Variants in RALGPS2 observed in about 807,000 individuals in gnomAD.
RALGPS2 encodes the protein Ral GEF with PH domain and SH3 binding motif 2.
A neutral mutation model predicts 86.8 loss-of-function variants in RALGPS2; 43 were observed. That is an observed-to-expected ratio of 0.50 (90% CI 0.39 to 0.64). The LOEUF (loss-of-function observed/expected upper bound fraction) is 0.64, where lower values mean the gene tolerates loss of function less well. Among genes scored for constraint, RALGPS2 ranks in the 30% least tolerant of loss-of-function variants. The pLI, the probability that RALGPS2 is intolerant of heterozygous loss-of-function variation, is 0.00. For synonymous variants in RALGPS2, 243 were observed against 231.3 expected, an observed-to-expected ratio of 1.05 and a Z score of -0.46; for missense variants, 536 against 694.6, an observed-to-expected ratio of 0.77 and a Z score of 2.57.
At chr1:178,882,619 A>G (rs1659307440) in intron 10 of RALGPS2, among the ~76,000 whole-genome samples, 1 of 152,230 alleles carries the variant, frequency 6.6e-6, no homozygotes, top group African/African-American at 2.4e-5. Context: ...TTTTTATTAA[A>G]TTTCAGACAG....
chr1:178,729,472 C>T (rs982249127), intron 1 of RALGPS2, among the ~76,000 whole-genome samples: 1 of 151,964 alleles, frequency 6.6e-6, no homozygotes, highest in Non-Finnish European at 1.5e-5. Context: ...TCAAAGGACC[C>T]CTGGTTTTGT....
At chr1:178,746,687 G>T (rs1651348408) in intron 1 of RALGPS2, 1 of 773,434 alleles carries the variant, frequency 1.3e-6, no homozygotes, top group East Asian at 2.4e-5. Context: ...TGAATATTAG[G>T]TATCTGTCAA....
intron 1 of RALGPS2, among the ~76,000 whole-genome samples, chr1:178,743,644 A>G (rs1651153306): frequency 6.6e-6 from 1 of 152,200 alleles, no homozygotes. Flanking sequence ...GTGCTGATTG[A>G]GATCAGGAAA....
intron 14 of RALGPS2, among the ~76,000 whole-genome samples, chr1:178,890,443 A>G (rs1659671643): frequency 6.6e-6 from 1 of 151,946 alleles, no homozygotes; most frequent in Non-Finnish European, 1.5e-5. Context: ...CCTTTTTTGT[A>G]TATGAACTAA....
chr1:178,753,065 C>T (rs879612957), intron 1 of RALGPS2, among the ~76,000 whole-genome samples: 7 of 152,178 alleles, frequency 4.6e-5, no homozygotes, highest in Admixed American at 3.9e-4. Context: ...TACATTTGCC[C>T]TCTGTACTGT....
chr1:178,790,267 A>G (rs913611840), intron 4 of RALGPS2, among the ~76,000 whole-genome samples: 2 of 152,162 alleles, frequency 1.3e-5, no homozygotes, highest in Non-Finnish European at 1.5e-5. Flanking sequence ...TTCTTAATGT[A>G]TTAGTCTCGT....
chr1:178,896,618 G>C (rs1468267389), intron 16 of RALGPS2, among the ~76,000 whole-genome samples: 10 of 116,228 alleles, frequency 8.6e-5, no homozygotes, highest in Admixed American at 1.8e-4. Flanking sequence ...TCCCTCCCCC[G>C]ACCCCACAAC....
intron 3 of RALGPS2, 82 bp downstream of exon 3, chr1:178,784,604 C>A: frequency 9.8e-7 from 1 of 1,025,636 alleles, no homozygotes; most frequent in Non-Finnish European, 1.4e-6. Flanking sequence ...GTAGGTCCAG[C>A]AAAAGAGACA....
intron 16 of RALGPS2, among the ~76,000 whole-genome samples, chr1:178,895,499 A>G (rs566012783): frequency 6.6e-6 from 1 of 152,208 alleles, no homozygotes; most frequent in African/African-American, 2.4e-5. Flanking sequence ...ATACAGAATG[A>G]TGGGGCAAGG....
At chr1:178,824,171 G>A (rs1012219206) in intron 7 of RALGPS2, among the ~76,000 whole-genome samples, 3 of 152,160 alleles carry the variant, frequency 2.0e-5, no homozygotes, top group African/African-American at 7.2e-5. Flanking sequence ...CTCGGGAAGA[G>A]TGATTTCAGT....
At chr1:178,871,324 A>G (rs1177374472) in intron 8 of RALGPS2, among the ~76,000 whole-genome samples, 1 of 152,068 alleles carries the variant, frequency 6.6e-6, no homozygotes, top group Non-Finnish European at 1.5e-5. Context: ...TAAAACAAAC[A>G]TTTTAGTCTG....
At chr1:178,745,003 A>G (rs2102029715) in intron 1 of RALGPS2, among the ~76,000 whole-genome samples, 1 of 152,338 alleles carries the variant, frequency 6.6e-6, no homozygotes, top group Non-Finnish European at 1.5e-5. Context: ...AATTGCATTT[A>G]TTTAGCAATG....
At chr1:178,752,906 T>G (rs761746140) in intron 1 of RALGPS2, among the ~76,000 whole-genome samples, 4 of 152,208 alleles carry the variant, frequency 2.6e-5, no homozygotes, top group Non-Finnish European at 5.9e-5. Flanking sequence ...TATGTATGTA[T>G]CCTGAATGGA....
chr1:178,768,372 AT>A (rs1247732569), intron 1 of RALGPS2, among the ~76,000 whole-genome samples: 2 of 151,726 alleles, frequency 1.3e-5, no homozygotes, highest in Admixed American at 6.6e-5. Flanking sequence ...CTGTGATATT[AT>A]TTTTTCCTCC....
intron 11 of RALGPS2, among the ~76,000 whole-genome samples, chr1:178,884,178 G>A (rs1462147220): frequency 6.6e-6 from 1 of 152,092 alleles, no homozygotes; most frequent in African/African-American, 2.4e-5. Context: ...GGTCTAATGG[G>A]AAAGTCTACT....
intron 4 of RALGPS2, among the ~76,000 whole-genome samples, chr1:178,802,901 G>C (rs961495639): frequency 6.6e-6 from 1 of 151,964 alleles, no homozygotes; most frequent in Non-Finnish European, 1.5e-5. Flanking sequence ...GATACTCCAA[G>C]CCATGTGGTT....
chr1:178,796,587 A>T (rs1430381531), intron 4 of RALGPS2, among the ~76,000 whole-genome samples: 1 of 151,984 alleles, frequency 6.6e-6, no homozygotes, highest in Non-Finnish European at 1.5e-5. Flanking sequence ...TCTACATACT[A>T]GTCTATATTG....
intron 4 of RALGPS2, among the ~76,000 whole-genome samples, chr1:178,801,064 T>C (rs1315065607): frequency 6.6e-6 from 1 of 152,006 alleles, no homozygotes; most frequent in Non-Finnish European, 1.5e-5. Context: ...GTAGCTGGGA[T>C]TACAGGCATA....
chr1:178,754,698 A>C (rs1016840006), intron 1 of RALGPS2, among the ~76,000 whole-genome samples: 2 of 152,240 alleles, frequency 1.3e-5, no homozygotes, highest in Admixed American at 1.3e-4. Context: ...TGTTTGACCA[A>C]ATGTCTGGGC....
Sources: gnomAD v4.1 joint callset for allele counts (sites outside exome capture counted in the v4.1 genomes callset) on GRCh38, gnomAD v4.1.1 for gene constraint, MANE v1.5 for transcripts, NCBI Gene and HGNC (gene_info 2026-07-23, HGNC 2026-07-21) for gene names.